EYA1: variants seen among roughly 807,000 people sequenced by gnomAD.
The protein encoded by EYA1 is protein phosphatase EYA1.
A neutral mutation model predicts 82.0 loss-of-function variants in EYA1; 16 were observed. The ratio of observed to expected loss-of-function variants is 0.20; its 90% CI spans 0.13 to 0.30. EYA1 has a LOEUF of 0.30. Ranked by LOEUF, EYA1 falls within the 10% of genes least tolerant of loss-of-function variation. EYA1 has a pLI of 1.00. For synonymous variants in EYA1, 261 were observed against 264.4 expected, an observed-to-expected ratio of 0.99 and a Z score of 0.12; for missense variants, 633 against 730.7, an observed-to-expected ratio of 0.87 and a Z score of 1.54.
intron 2 of EYA1, among the ~76,000 whole-genome samples, chr8:71,383,163 C>A (rs1486447831): frequency 6.6e-6 from 1 of 151,850 alleles, no homozygotes; most frequent in African/African-American, 2.4e-5. Flanking sequence ...ACATGACATA[C>A]CATTTTATTC....
intron 4 of EYA1, among the ~76,000 whole-genome samples, chr8:71,333,815 A>G (rs1824168242): frequency 6.6e-6 from 1 of 152,224 alleles, no homozygotes; most frequent in South Asian, 2.1e-4. Flanking sequence ...TCACCAGCAC[A>G]GTAAATATAA....
intron 12 of EYA1, among the ~76,000 whole-genome samples, chr8:71,227,309 G>A (rs1810676718): frequency 6.6e-6 from 1 of 152,132 alleles, no homozygotes; most frequent in African/African-American, 2.4e-5. Flanking sequence ...TGGCAACAGT[G>A]TTCTTTGTAA....
intron 2 of EYA1, among the ~76,000 whole-genome samples, chr8:71,503,421 C>T (rs1054935131): frequency 6.6e-6 from 1 of 151,474 alleles, no homozygotes; most frequent in Admixed American, 6.6e-5. Context: ...TGCAGTGAGC[C>T]GAGATCGTGC....
intron 2 of EYA1, among the ~76,000 whole-genome samples, chr8:71,452,532 C>T (rs989988302): frequency 6.6e-6 from 1 of 152,208 alleles, no homozygotes; most frequent in South Asian, 2.1e-4. Flanking sequence ...TAGGGGCAGA[C>T]TGACACCTCA....
At chr8:71,404,076 A>G (rs962693095) in intron 2 of EYA1, 1 of 152,256 alleles carries the variant, frequency 6.6e-6, no homozygotes, top group Non-Finnish European at 1.5e-5. Flanking sequence ...GGAACTACGA[A>G]GTCAGATTGA....
At chr8:71,271,634 AAAAG>A (rs1816544403) in intron 10 of EYA1, 120 bp downstream of exon 10, 2 of 1,013,244 alleles carry the variant, frequency 2.0e-6, no homozygotes, top group Admixed American at 1.7e-5. Context: ...GTTAATATAA[AAAAG>A]AAAGCAGTAA....
intron 2 of EYA1, among the ~76,000 whole-genome samples, chr8:71,371,090 A>G (rs1178035667): frequency 1.3e-5 from 2 of 152,184 alleles, no homozygotes; most frequent in Non-Finnish European, 2.9e-5. Context: ...TTAGCAATTG[A>G]TGATACTAGG....
chr8:71,390,593 G>C (rs575137817), intron 2 of EYA1, among the ~76,000 whole-genome samples: 55 of 152,258 alleles, frequency 3.6e-4, no homozygotes, highest in Non-Finnish European at 6.3e-4. Flanking sequence ...ATGTGAAGCT[G>C]TTCCATAAAA....
rs927294444 is a variant in EYA1 at position 71,217,097 on chromosome 8, C to T, written c.1141-74G>A. The T allele has an allele frequency of 9.6e-6, 11 of 1,142,658 alleles. No homozygotes were observed. In the Admixed American group the frequency reaches 1.4e-4, roughly 14 times the overall value. The allele number at this position is 1,142,658 out of a possible 1,614,324, so 70.8% of individuals were successfully genotyped here. ...TTTTTTTGTTTTGTTTTGGAAAAACCATACATATTTTTTAAAGCACCTTAA... is the reference window on the plus strand; with the variant it reads ...TTTTTTTGTTTTGTTTTGGAAAAACTATACATATTTTTTAAAGCACCTTAA... On this transcript the variant is annotated intron_variant, in intron 12 of 17. Coordinates refer to ENST00000340726, the MANE Select transcript of EYA1 (RefSeq NM_000503.6).
At chr8:71,544,845 C>A (rs189317155) in intron 1 of EYA1, among the ~76,000 whole-genome samples, 1 of 152,200 alleles carries the variant, frequency 6.6e-6, no homozygotes, top group Non-Finnish European at 1.5e-5. Flanking sequence ...ATTTGGGAAA[C>A]TGATTCATTT....
At chr8:71,215,340 C>T (rs1191127072) in intron 16 of EYA1, 47 bp downstream of exon 16, 1 of 1,592,326 alleles carries the variant, frequency 6.3e-7, no homozygotes, top group Admixed American at 1.7e-5. Context: ...TTTTATTATC[C>T]TGAAGGAAAA....
intron 2 of EYA1, among the ~76,000 whole-genome samples, chr8:71,513,319 TA>T (rs1288433393): frequency 2.0e-5 from 3 of 152,164 alleles, no homozygotes; most frequent in Admixed American, 1.3e-4. Context: ...GATTATAACT[TA>T]AAAAATAACT....
intron 2 of EYA1, among the ~76,000 whole-genome samples, chr8:71,355,813 A>G (rs767702326): frequency 6.6e-6 from 1 of 152,236 alleles, no homozygotes; most frequent in Non-Finnish European, 1.5e-5. Flanking sequence ...CATGTTCACA[A>G]TTTCAGAACT....
At chr8:71,441,536 C>T (rs148884162) in intron 2 of EYA1, among the ~76,000 whole-genome samples, 5 of 152,234 alleles carry the variant, frequency 3.3e-5, no homozygotes, top group Admixed American at 2.0e-4. Flanking sequence ...AAGACTAATG[C>T]TAGAATAGCC....
chr8:71,294,479 A>AAAC (rs371750628), intron 9 of EYA1, among the ~76,000 whole-genome samples: 17,024 of 152,162 alleles, frequency 0.11, 1,046 homozygotes, highest in South Asian at 0.21. Context: ...AACAAAAAAA[A>AAAC]CACACCATTA....
chr8:71,518,448 G>T (rs1328917369), intron 2 of EYA1, among the ~76,000 whole-genome samples: 1 of 152,120 alleles, frequency 6.6e-6, no homozygotes, highest in Non-Finnish European at 1.5e-5. Flanking sequence ...CGATGTAAAG[G>T]TGAAGCGACA....
chr8:71,245,351 C>T (rs1445336818), intron 11 of EYA1, among the ~76,000 whole-genome samples: 2 of 151,972 alleles, frequency 1.3e-5, no homozygotes, highest in African/African-American at 2.4e-5. Flanking sequence ...CTCAGCCTCC[C>T]GAGTAGCTGG....
intron 2 of EYA1, among the ~76,000 whole-genome samples, chr8:71,412,687 G>A (rs1217981511): frequency 6.6e-6 from 1 of 151,872 alleles, no homozygotes; most frequent in Non-Finnish European, 1.5e-5. Flanking sequence ...CTCCATAATA[G>A]AGAGTTAAAA....
chr8:71,309,349 CA>C (rs1453062619), intron 7 of EYA1, among the ~76,000 whole-genome samples: 1 of 120,572 alleles, frequency 8.3e-6, no homozygotes, highest in Non-Finnish European at 1.7e-5. Flanking sequence ...ATTACTTATA[CA>C]ATCAATTTAA....
Sources: gnomAD v4.1 joint callset for allele counts (sites outside exome capture counted in the v4.1 genomes callset) on GRCh38, gnomAD v4.1.1 for gene constraint, MANE v1.5 for transcripts, NCBI Gene and HGNC (gene_info 2026-07-23, HGNC 2026-07-21) for gene names.